MPP2: variants seen among roughly 807,000 people sequenced by gnomAD.
MPP2 encodes the protein MAGUK p55 subfamily member 2.
Under a neutral mutation model 58.5 loss-of-function variants are expected in MPP2, and 42 were observed. That is an observed-to-expected ratio of 0.72 (90% confidence interval 0.56 to 0.93). The LOEUF (loss-of-function observed/expected upper bound fraction) is 0.93, where lower values mean the gene tolerates loss of function less well. MPP2 is among the 40% of genes least tolerant of loss of function. The pLI is 0.00. For synonymous variants in MPP2, 300 were observed against 307.8 expected, an observed-to-expected ratio of 0.97 and a Z score of 0.26; for missense variants, 632 against 760.4, an observed-to-expected ratio of 0.83 and a Z score of 1.99.
At chr17:43,905,372 C>T (rs919634985) in intron 1 of MPP2, 29 of 152,272 alleles carry the variant, frequency 1.9e-4, no homozygotes, top group African/African-American at 7.0e-4. Context: ...ATCTACCTCT[C>T]CACGGCCCCT....
chr17:43,890,777 TGAGGATGAGAGACCCTCCTA>T (rs1567891615), intron 3 of MPP2, among the ~76,000 whole-genome samples: 1 of 151,828 alleles, frequency 6.6e-6, no homozygotes, highest in African/African-American at 2.4e-5. Flanking sequence ...TGAAGGTGGC[TGAGGATGAGAGACCCTCCTA>T]GAGGATGAGA....
Position 43,881,304 on chromosome 17 carries a change from G to A in MPP2, c.859C>T (p.Leu287=), listed in dbSNP as rs1485108412. 1 of 1,614,090 alleles carries A rather than the reference G, an allele frequency of 6.2e-7. No homozygotes were observed. The change falls in exon 8 of 13, where the codon CTG becomes TTG. Residue 287 remains leucine (L), a synonymous_variant. Transcript: ENST00000269095. ...AATGCTTTCCGCTTCTCCTCCAGCAGCTGGCTGGGAATGAGCCCAGCACTG... is the reference window on the plus strand; with the variant it reads ...AATGCTTTCCGCTTCTCCTCCAGCAACTGGCTGGGAATGAGCCCAGCACTG... The part of the protein sequence containing the change: ...GGSAGLIPSQ[L]LEEKRKAFVK...
At chr17:43,905,424 C>G (rs2048250967) in intron 1 of MPP2, 2 of 152,332 alleles carry the variant, frequency 1.3e-5, no homozygotes, top group African/African-American at 4.8e-5. Flanking sequence ...TAGCTCAGAG[C>G]TGGCACAAGG....
intron 3 of MPP2, among the ~76,000 whole-genome samples, chr17:43,893,017 T>C (rs201249360): frequency 4.3e-5 from 2 of 46,528 alleles, no homozygotes; most frequent in African/African-American, 5.3e-5. Context: ...GATGGATGGA[T>C]GGATGGATGG....
chr17:43,880,578 A>C lies in MPP2; in HGVS notation c.1150+113T>G. The C allele has an allele frequency of 1.6e-6, 2 of 1,286,460 alleles. No individual in the cohort carries two copies. The highest frequency in any genetic ancestry group is 2.1e-6 in the Non-Finnish European group (2 of 953,612). The allele number at this position is 1,286,460 out of a possible 1,614,324, so 79.7% of individuals were successfully genotyped here. ...GCGTGCACCCCAACCCGTGTACCCA[A>C]AGGTACCACCTGGCCTGGTGCCCAT... On this transcript the variant is annotated intron_variant, in intron 10 of 12. Coordinates refer to ENST00000269095, the MANE Select transcript of MPP2 (RefSeq NM_005374.5). This position sits in a 1 kb window ranked among gnomAD's most constrained non-coding sequence, Gnocchi z 5.2.
At chr17:43,908,066 G>A, upstream of MPP2, 8 of 751,568 alleles carry the variant, frequency 1.1e-5, no homozygotes, top group Non-Finnish European at 1.3e-5. Context: ...CAGAAATTTT[G>A]CAAAAAAGAG....
chr17:43,879,657 C>G lies in MPP2; in HGVS notation c.1353+125G>C, dbSNP rs2047010941. 8.5e-7 allele frequency: 1 copy of G among 1,182,398 alleles called. No homozygotes were observed. The highest frequency in any genetic ancestry group is 2.6e-5 in the East Asian group (1 of 39,096). The allele number at this position is 1,182,398 out of a possible 1,614,324, so 73.2% of individuals were successfully genotyped here. A position where few individuals can be genotyped will look rare whatever the true frequency, so the allele number is the denominator to read the frequency against. ...GGTTCCAGGTGGGCTGGGTTTCTAG[C>G]AGTAGTTGAGGGCAAAGGGGGTACA... On this transcript the variant is annotated intron_variant, in intron 11 of 12. Transcript: ENST00000269095. The surrounding 1 kb of genome is among the most constrained non-coding windows in gnomAD (Gnocchi z 4.1).
intron 3 of MPP2, among the ~76,000 whole-genome samples, chr17:43,889,141 G>A (rs1434228645): frequency 6.6e-6 from 1 of 152,064 alleles, no homozygotes; most frequent in East Asian, 1.9e-4. Flanking sequence ...GCCCAGGCTA[G>A]TCACAAACTC....
At position 43,879,131 on chromosome 17, in the gene MPP2, G is replaced by T. The variant is rs1327776114; in HGVS notation, c.1482+144C>A. ...GACCTCCCCTTCCACATCTATGCAG[G>T]GGGGACCACGTCCTGCCTCACTGAT... On this transcript the variant is annotated intron_variant, in intron 12 of 12. Coordinates refer to ENST00000269095, the MANE Select transcript of MPP2 (RefSeq NM_005374.5). The surrounding 1 kb of genome is among the most constrained non-coding windows in gnomAD (Gnocchi z 4.1). 5.8e-6 allele frequency: 6 copies of T among 1,026,892 alleles called. No homozygotes were observed. Among genetic ancestry groups the T allele is most frequent in the Non-Finnish European group, 8.6e-6 (6 of 695,368 alleles). 63.6% of individuals were successfully genotyped at this position (1,026,892 alleles called of 1,614,324 possible). A position where few individuals can be genotyped will look rare whatever the true frequency, so the allele number is the denominator to read the frequency against.
At chr17:43,907,317 CA>C (rs1307595874) in intron 1 of MPP2, 156 bp downstream of exon 1, 12 of 983,708 alleles carry the variant, frequency 1.2e-5, no homozygotes, top group Non-Finnish European at 1.4e-5. Context: ...AAAGAGGGCC[CA>C]GGGGCGGGGG....
intron 2 of MPP2, among the ~76,000 whole-genome samples, chr17:43,900,791 C>G (rs567964336): frequency 3.3e-5 from 5 of 152,142 alleles, no homozygotes; most frequent in Non-Finnish European, 5.9e-5. Context: ...GGAGGGAGCC[C>G]TAGTCCCACA....
In MPP2 at chr17:43,883,188, C is replaced by G. The variant is rs1305696238; in HGVS notation, c.303+15G>C. 6.3e-7 allele frequency: 1 copy of G among 1,595,974 alleles called. No individual in the cohort carries two copies. Among genetic ancestry groups the G allele is most frequent in the East Asian group, 2.3e-5 (1 of 44,174 alleles). ...CACCTCCTGCTCCCTCACCCCAGCCCTAGCAGCCAGGAACCTGGAAGTGGG... is the reference window on the plus strand; with the variant it reads ...CACCTCCTGCTCCCTCACCCCAGCCGTAGCAGCCAGGAACCTGGAAGTGGG... On this transcript the variant is annotated intron_variant, in intron 4 of 12. Transcript: ENST00000269095.
intron 12 of MPP2, among the ~76,000 whole-genome samples, chr17:43,878,515 C>G (rs563091943): frequency 6.6e-6 from 1 of 152,218 alleles, no homozygotes; most frequent in Non-Finnish European, 1.5e-5. Flanking sequence ...CTTAAATAAG[C>G]TGAAGCTAGC....
intron 3 of MPP2, among the ~76,000 whole-genome samples, chr17:43,893,653 C>T (rs2047698726): frequency 6.6e-6 from 1 of 152,210 alleles, no homozygotes; most frequent in Admixed American, 6.5e-5. Context: ...GGGGCACCAA[C>T]CCTACCGTGA....
Position 43,877,936 on chromosome 17 carries a change from C to T in MPP2, c.1530G>A (p.Arg510=), listed in dbSNP as rs142854406. 65 of 1,613,876 alleles carry T rather than the reference C, an allele frequency of 4.0e-5. No individual in the cohort carries two copies. Among genetic ancestry groups the T allele is most frequent in the Admixed American group, 2.5e-4 (15 of 59,996 alleles). The change falls in exon 13 of 13, where the codon CGG becomes CGA. Residue 510 remains arginine, a synonymous_variant. Transcript: ENST00000269095. ...AGAGGTCAAAGTAGTGCCCGTAGCCCCGCTGGATGCGGCTGCTCTCCTCCA... is the reference window on the plus strand; with the variant it reads ...AGAGGTCAAAGTAGTGCCCGTAGCCTCGCTGGATGCGGCTGCTCTCCTCCA... The part of the protein sequence containing the change: ...RTVEESSRIQ[R]GYGHYFDLCL...
chr17:43,899,469 T>G (rs1391787482), intron 2 of MPP2, among the ~76,000 whole-genome samples: 1 of 152,146 alleles, frequency 6.6e-6, no homozygotes, highest in East Asian at 1.9e-4. Flanking sequence ...AGTGTGACAT[T>G]GTACAAGTCA....
chr17:43,882,408 T>C lies in MPP2; in HGVS notation c.557A>G (p.Lys186Arg), dbSNP rs1365800117. 25 of 1,611,316 alleles carry C rather than the reference T, an allele frequency of 1.6e-5. No individual in the cohort carries two copies. The Admixed American group carries it at 4.2e-4, about 27-fold the overall frequency. Residue 186 changes from lysine (K) to arginine (R), a missense_variant, in exon 6 of 13, where the codon AAG becomes AGG. Physicochemically the swap from Lys to Arg is conservative, Grantham distance 26. Transcript: ENST00000269095. ...GCCCACTGGCTGCCCGTTCACCTCC[T>C]TGATGATGTCACCCACATGCAGCAG... ...QGLLHVGDII[K>R]EVNGQPVGSD...
intron 3 of MPP2, among the ~76,000 whole-genome samples, chr17:43,893,977 T>C (rs2047712820): frequency 6.6e-6 from 1 of 152,110 alleles, no homozygotes; most frequent in Admixed American, 6.6e-5. Flanking sequence ...ATATAAAATT[T>C]AAAAGCACAC....
chr17:43,901,571 C>T, intron 2 of MPP2: 4 of 985,380 alleles, frequency 4.1e-6, no homozygotes, highest in Non-Finnish European at 4.8e-6. Flanking sequence ...TCGCATTGCA[C>T]CCCTGGTTGC....
Sources: gnomAD v4.1 joint callset for allele counts (sites outside exome capture counted in the v4.1 genomes callset) on GRCh38, gnomAD v4.1.1 for gene constraint, Gnocchi (gnomAD v3.1) non-coding constraint, MANE v1.5 for transcripts, NCBI Gene and HGNC (gene_info 2026-07-23, HGNC 2026-07-21) for gene names.